The following FARS2 variants were observed in gnomAD, a reference collection of about 807,000 sequenced individuals.
The protein encoded by FARS2 is phenylalanyl-tRNA synthetase 2, mitochondrial, also known as phenylalanine--tRNA ligase, mitochondrial.
Under a neutral mutation model 46.4 loss-of-function variants are expected in FARS2, and 40 were observed. The ratio of observed to expected loss-of-function variants is 0.86; its 90% CI spans 0.67 to 1.12. The LOEUF (loss-of-function observed/expected upper bound fraction) is 1.12. Among genes scored for constraint, FARS2 ranks in the 50% most tolerant of loss-of-function variants. The pLI is 0.00. For synonymous variants in FARS2, 234 were observed against 214.9 expected, an observed-to-expected ratio of 1.09 and a Z score of -0.78; for missense variants, 513 against 567.9, an observed-to-expected ratio of 0.90 and a Z score of 0.98.
intron 1 of FARS2, among the ~76,000 whole-genome samples, chr6:5,287,787 C>T (rs887795767): frequency 3.9e-5 from 6 of 152,088 alleles, no homozygotes; most frequent in Admixed American, 1.3e-4. Context: ...CCTTAAGATG[C>T]GGAGCTCTTC....
intron 6 of FARS2, among the ~76,000 whole-genome samples, chr6:5,698,116 A>G (rs1393725578): frequency 6.6e-6 from 1 of 152,210 alleles, no homozygotes; most frequent in African/African-American, 2.4e-5. Context: ...TATCTTACTC[A>G]CAAGGTTTAT....
intron 4 of FARS2, among the ~76,000 whole-genome samples, chr6:5,542,263 G>T (rs1387366108): frequency 6.6e-6 from 1 of 152,132 alleles, no homozygotes; most frequent in East Asian, 1.9e-4. Context: ...ACTCAAGATG[G>T]AGTCACTCTG....
intron 1 of FARS2, among the ~76,000 whole-genome samples, chr6:5,351,817 C>T (rs563137934): frequency 2.4e-4 from 36 of 152,336 alleles, no homozygotes; most frequent in African/African-American, 7.0e-4. Context: ...TCACACATCA[C>T]TGCACCATAC....
chr6:5,626,006 A>G (rs1776013045), intron 6 of FARS2, among the ~76,000 whole-genome samples: 1 of 152,202 alleles, frequency 6.6e-6, no homozygotes, highest in African/African-American at 2.4e-5. Context: ...GTACAGCTTC[A>G]TAGTGATCTA....
At chr6:5,673,754 T>C (rs1778604654) in intron 6 of FARS2, among the ~76,000 whole-genome samples, 1 of 152,154 alleles carries the variant, frequency 6.6e-6, no homozygotes, top group Non-Finnish European at 1.5e-5. Flanking sequence ...GTTCACAGAT[T>C]TGCACACAGG....
chr6:5,757,474 A>G (rs1166329028), intron 6 of FARS2, among the ~76,000 whole-genome samples: 1 of 152,180 alleles, frequency 6.6e-6, no homozygotes, highest in Non-Finnish European at 1.5e-5. Flanking sequence ...TGTGCCCTTG[A>G]ACCCAACCCA....
intron 6 of FARS2, among the ~76,000 whole-genome samples, chr6:5,736,077 G>T (rs911603280): frequency 6.6e-5 from 10 of 152,342 alleles, no homozygotes; most frequent in African/African-American, 2.4e-4. Flanking sequence ...AGCTGATGCT[G>T]CAGGGATCTG....
At chr6:5,600,287 C>T (rs1213447839) in intron 5 of FARS2, among the ~76,000 whole-genome samples, 2 of 152,044 alleles carry the variant, frequency 1.3e-5, no homozygotes, top group African/African-American at 4.8e-5. Context: ...GGAAACATTA[C>T]AATTTAGAGG....
intron 6 of FARS2, among the ~76,000 whole-genome samples, chr6:5,700,021 C>G (rs1192405647): frequency 1.3e-5 from 2 of 152,156 alleles, no homozygotes; most frequent in Non-Finnish European, 2.9e-5. Context: ...CTCCAGTCCC[C>G]GAACGCTCTA....
At chr6:5,278,769 C>T (rs1236638259) in intron 1 of FARS2, among the ~76,000 whole-genome samples, 1 of 152,118 alleles carries the variant, frequency 6.6e-6, no homozygotes, top group Non-Finnish European at 1.5e-5. Context: ...CCCTCTCCAC[C>T]CCGTGTGATA....
At chr6:5,617,132 G>GA (rs1406406376) in intron 6 of FARS2, among the ~76,000 whole-genome samples, 1 of 151,618 alleles carries the variant, frequency 6.6e-6, no homozygotes, top group Non-Finnish European at 1.5e-5. Flanking sequence ...AAAAATCACT[G>GA]AAAAAAATAA....
Position 5,549,131 on chromosome 6 carries a change from A to AGGCTCCCCCTGG in FARS2, c.1065+3791_1065+3792insGGCTCCCCCTGG, listed in dbSNP as rs1251425127. ...TAAAGTTAAGGTGTCAGCAGGGCTG[A>AGGCTCCCCCTGG]CTCCTTCTGTAGGCTCTTGGGGGAA... On this transcript the variant is annotated intron_variant, in intron 5 of 6. Coordinates refer to ENST00000274680, the MANE Select transcript of FARS2 (RefSeq NM_006567.5). Among the ~76,000 whole-genome samples the AGGCTCCCCCTGG allele has an allele frequency of 1.9e-3, 280 of 151,350 alleles. 4 individuals are homozygous for AGGCTCCCCCTGG. In the Middle Eastern group the frequency reaches 0.024, roughly 13 times the overall value.
At chr6:5,284,828 C>T (rs1451593399) in intron 1 of FARS2, among the ~76,000 whole-genome samples, 1 of 152,150 alleles carries the variant, frequency 6.6e-6, no homozygotes, top group East Asian at 1.9e-4. Context: ...CTGTCTTCTC[C>T]CCAGAGCCTC....
chr6:5,709,289 G>A (rs888057472), intron 6 of FARS2, among the ~76,000 whole-genome samples: 30 of 152,168 alleles, frequency 2.0e-4, no homozygotes, highest in African/African-American at 7.2e-4. Flanking sequence ...GTGGGCCCGA[G>A]CAGAGGAGGG....
At chr6:5,608,644 A>G (rs898376863) in intron 5 of FARS2, among the ~76,000 whole-genome samples, 1 of 152,094 alleles carries the variant, frequency 6.6e-6, no homozygotes, top group Non-Finnish European at 1.5e-5. Flanking sequence ...GCCAACAATC[A>G]TTTTTATAAC....
At chr6:5,505,578 C>T (rs1002402079) in intron 4 of FARS2, among the ~76,000 whole-genome samples, 3 of 152,190 alleles carry the variant, frequency 2.0e-5, no homozygotes, top group Non-Finnish European at 4.4e-5. Context: ...TAATAAATGT[C>T]CATAAAATCT....
chr6:5,461,814 A>G (rs1427276219), intron 4 of FARS2, among the ~76,000 whole-genome samples: 1 of 152,080 alleles, frequency 6.6e-6, no homozygotes, highest in East Asian at 1.9e-4. Flanking sequence ...TTATTTATCT[A>G]TTTACCAGTC....
chr6:5,634,215 C>T (rs1776431416), intron 6 of FARS2, among the ~76,000 whole-genome samples: 1 of 152,114 alleles, frequency 6.6e-6, no homozygotes, highest in African/African-American at 2.4e-5. Context: ...AAACAGTTAA[C>T]CAGCTTTCCT....
intron 1 of FARS2, among the ~76,000 whole-genome samples, chr6:5,367,597 A>G (rs1758768157): frequency 6.6e-6 from 1 of 151,570 alleles, no homozygotes; most frequent in South Asian, 2.1e-4. Flanking sequence ...AACCGCCTAT[A>G]CTAGATGACA....
Sources: allele counts gnomAD v4.1 joint callset (sites outside exome capture counted in the v4.1 genomes callset), GRCh38; gene constraint gnomAD v4.1.1; transcripts MANE v1.5; gene names NCBI Gene and HGNC (gene_info 2026-07-23, HGNC 2026-07-21).